The following CFAP263 variants were observed in gnomAD, a reference collection of about 807,000 sequenced individuals.
The protein encoded by CFAP263 is cilia and flagella associated protein 263, also known as cilia- and flagella-associated protein 263.
At chr16:58,254,970 G>A in the CFAP263 span, among the ~76,000 whole-genome samples, 1 of 152,052 alleles carries the variant, frequency 6.6e-6, no homozygotes, top group African/African-American at 2.4e-5. Flanking sequence ...TTCTTGAGAG[G>A]GACAGAACCA....
At chr16:58,255,572 C>CTT in the CFAP263 span, among the ~76,000 whole-genome samples, 4 of 140,956 alleles carry the variant, frequency 2.8e-5, no homozygotes, top group South Asian at 2.3e-4. Context: ...GCATTTCTTT[C>CTT]TTTTTTTTTT....
chr16:58,252,520 A>G, the CFAP263 span, among the ~76,000 whole-genome samples: 1 of 152,158 alleles, frequency 6.6e-6, no homozygotes, highest in African/African-American at 2.4e-5. Flanking sequence ...TATAGCACTT[A>G]CTATGTGTCA....
chr16:58,275,851 A>T, the CFAP263 span, among the ~76,000 whole-genome samples: 1 of 152,234 alleles, frequency 6.6e-6, no homozygotes, highest in Non-Finnish European at 1.5e-5. Context: ...TCAGAGATTT[A>T]AATGTAAGTA....
the CFAP263 span, among the ~76,000 whole-genome samples, chr16:58,264,448 C>A: frequency 1.3e-5 from 2 of 152,180 alleles, no homozygotes; most frequent in African/African-American, 4.8e-5. Flanking sequence ...GCAGCGCAGG[C>A]CACAGTGGGC....
At chr16:58,250,148 T>A in the CFAP263 span, 2 of 1,374,914 alleles carry the variant, frequency 1.5e-6, no homozygotes, top group Non-Finnish European at 2.0e-6. Flanking sequence ...GCCGCCCCTC[T>A]TCCTCCTAGG....
the CFAP263 span, among the ~76,000 whole-genome samples, chr16:58,266,393 ATATATATATATATTTTTTTTTT>A: frequency 1.2e-4 from 4 of 33,702 alleles, no homozygotes; most frequent in African/African-American, 4.3e-4. Flanking sequence ...ATATATATAT[ATATATATATATATTTTTTTTTT>A]TTTTTTTTTT....
the CFAP263 span, among the ~76,000 whole-genome samples, chr16:58,260,625 T>C: frequency 6.6e-6 from 1 of 152,178 alleles, no homozygotes; most frequent in Non-Finnish European, 1.5e-5. Context: ...CTGACCCTAA[T>C]GGCTCCTGAT....
At chr16:58,275,974 T>C in the CFAP263 span, among the ~76,000 whole-genome samples, 11 of 152,188 alleles carry the variant, frequency 7.2e-5, no homozygotes, top group East Asian at 1.9e-3. Context: ...ATAAAGTGAG[T>C]TATATAAAAA....
the CFAP263 span, among the ~76,000 whole-genome samples, chr16:58,264,443 G>A: frequency 2.0e-5 from 3 of 152,204 alleles, no homozygotes; most frequent in African/African-American, 7.2e-5. Flanking sequence ...GATCAGCAGC[G>A]CAGGCCACAG....
chr16:58,281,428 T>C, the CFAP263 span: 1 of 152,406 alleles, frequency 6.6e-6, no homozygotes, highest in Non-Finnish European at 1.5e-5. Context: ...CTCAATAGAA[T>C]ATTAGCTACC....
the CFAP263 span, among the ~76,000 whole-genome samples, chr16:58,273,397 A>G: frequency 7.2e-4 from 110 of 152,032 alleles, no homozygotes; most frequent in Middle Eastern, 6.8e-3. Context: ...CTGCCCCTCA[A>G]TCTACATAAT....
At chr16:58,272,413 C>A in the CFAP263 span, among the ~76,000 whole-genome samples, 2 of 152,150 alleles carry the variant, frequency 1.3e-5, no homozygotes, top group Non-Finnish European at 2.9e-5. Flanking sequence ...GCAATGTCAT[C>A]ATTGTGTGAA....
At chr16:58,254,692 C>T in the CFAP263 span, among the ~76,000 whole-genome samples, 1 of 151,874 alleles carries the variant, frequency 6.6e-6, no homozygotes, top group Non-Finnish European at 1.5e-5. Context: ...GCAAGCTCCG[C>T]CTCCCGGGTT....
At chr16:58,259,099 T>A in the CFAP263 span, among the ~76,000 whole-genome samples, 1 of 152,118 alleles carries the variant, frequency 6.6e-6, no homozygotes, top group Non-Finnish European at 1.5e-5. Context: ...TGATCTCTGT[T>A]TTTTGTTTTG....
chr16:58,257,010 A>ATTTATTTTTTTTT, the CFAP263 span, among the ~76,000 whole-genome samples: 2 of 50,198 alleles, frequency 4.0e-5, no homozygotes, highest in Admixed American at 2.4e-4. Flanking sequence ...GCATATATGA[A>ATTTATTTTTTTTT]TTTCTTTTTT....
the CFAP263 span, among the ~76,000 whole-genome samples, chr16:58,262,804 T>TAGATAGATAGAC: frequency 6.6e-6 from 1 of 151,304 alleles, no homozygotes; most frequent in Non-Finnish European, 1.5e-5. Flanking sequence ...GATAGATAGA[T>TAGATAGATAGAC]AGACAGATGC....
chr16:58,255,710 C>T, the CFAP263 span, among the ~76,000 whole-genome samples: 13 of 152,022 alleles, frequency 8.6e-5, no homozygotes, highest in African/African-American at 2.4e-4. Flanking sequence ...AGGCTCCTGC[C>T]GCCACCACAC....
chr16:58,258,298 G>A, the CFAP263 span: 1 of 1,450,290 alleles, frequency 6.9e-7, no homozygotes, highest in East Asian at 2.3e-5. Context: ...TGGGAACTTA[G>A]GTTTTCTTAG....
the CFAP263 span, among the ~76,000 whole-genome samples, chr16:58,271,285 ATT>A: frequency 6.6e-6 from 1 of 152,090 alleles, no homozygotes; most frequent in African/African-American, 2.4e-5. Context: ...TAAACTTTTT[ATT>A]TTAGAAATTT....
Sources: allele counts gnomAD v4.1 joint callset (sites outside exome capture counted in the v4.1 genomes callset), GRCh38; gene constraint gnomAD v4.1.1; transcripts MANE v1.5; gene names NCBI Gene and HGNC (gene_info 2026-07-23, HGNC 2026-07-21).